Variants in EPB41L4B observed in about 807,000 individuals in gnomAD.
EPB41L4B encodes band 4.1-like protein 4B.
EPB41L4B carries 30 observed loss-of-function variants against 112.5 expected under a neutral mutation model. The ratio of observed to expected loss-of-function variants is 0.27; its 90% confidence interval spans 0.20 to 0.36. The LOEUF is 0.36. Among genes scored for constraint, EPB41L4B ranks in the 10% least tolerant of loss-of-function variants. The pLI is 1.00. For missense variants in EPB41L4B, 1,024 were observed against 1,133.3 expected, an observed-to-expected ratio of 0.90 and a Z score of 1.38; for synonymous variants, 408 against 439.7, an observed-to-expected ratio of 0.93 and a Z score of 0.90.
chr9:109,319,802 G>A (rs1837781280), intron 1 of EPB41L4B, among the ~76,000 whole-genome samples: 3 of 152,080 alleles, frequency 2.0e-5, no homozygotes, highest in African/African-American at 7.2e-5. Context: ...GAAGGGGAGC[G>A]CCGGCCACCC....
intron 2 of EPB41L4B, among the ~76,000 whole-genome samples, chr9:109,278,071 T>A (rs1446137949): frequency 6.6e-6 from 1 of 152,102 alleles, no homozygotes; most frequent in Non-Finnish European, 1.5e-5. Flanking sequence ...CCTCGAGGGA[T>A]GCGAAGGACA....
At chr9:109,224,520 C>T (rs889524499) in intron 15 of EPB41L4B, among the ~76,000 whole-genome samples, 3 of 151,986 alleles carry the variant, frequency 2.0e-5, no homozygotes, top group Admixed American at 6.6e-5. Context: ...AGTGGATTAC[C>T]GGCTACCTAG....
chr9:109,182,933 G>T, intron 23 of EPB41L4B, 136 bp from the exon 24 acceptor site: 1 of 657,162 alleles, frequency 1.5e-6, no homozygotes, highest in African/African-American at 1.8e-5. Flanking sequence ...TCGTGTAAGG[G>T]CACATACAAA....
At chr9:109,267,611 A>T in intron 3 of EPB41L4B, 60 bp from the exon 4 acceptor site, 1 of 1,148,528 alleles carries the variant, frequency 8.7e-7, no homozygotes, top group Admixed American at 1.7e-5. Context: ...AGATCACAGG[A>T]TGGACAAAAG....
intron 13 of EPB41L4B, among the ~76,000 whole-genome samples, chr9:109,250,207 A>G (rs572761230): frequency 1.6e-4 from 25 of 152,186 alleles, no homozygotes; most frequent in African/African-American, 5.3e-4. Flanking sequence ...GATTTGCAAA[A>G]AAGAAAACGG....
chr9:109,189,894 G>A (rs2118669791), intron 22 of EPB41L4B, among the ~76,000 whole-genome samples: 1 of 152,048 alleles, frequency 6.6e-6, no homozygotes, highest in South Asian at 2.1e-4. Flanking sequence ...CTTCCAGAGT[G>A]CTGGGATTAC....
At chr9:109,174,736 T>C in intron 25 of EPB41L4B, 113 bp from the exon 26 acceptor site, 1 of 806,280 alleles carries the variant, frequency 1.2e-6, no homozygotes, top group South Asian at 1.7e-5. Context: ...GGACTTTCTT[T>C]TTTAGACTCC....
intron 1 of EPB41L4B, among the ~76,000 whole-genome samples, chr9:109,316,491 T>C (rs562061866): frequency 6.6e-6 from 1 of 152,272 alleles, no homozygotes; most frequent in East Asian, 1.9e-4. Context: ...GCTGCATTAA[T>C]AGAAGGAAAG....
At chr9:109,184,101 G>C (rs1832169172) in intron 23 of EPB41L4B, among the ~76,000 whole-genome samples, 1 of 145,856 alleles carries the variant, frequency 6.9e-6, no homozygotes, top group Non-Finnish European at 1.5e-5. Context: ...TGAAGTCTTG[G>C]GGTACATTCT....
At chr9:109,222,695 G>A (rs1345292898) in intron 15 of EPB41L4B, among the ~76,000 whole-genome samples, 1 of 152,170 alleles carries the variant, frequency 6.6e-6, no homozygotes, top group African/African-American at 2.4e-5. Context: ...GACAGATGTA[G>A]GCTTCAGTCT....
intron 1 of EPB41L4B, among the ~76,000 whole-genome samples, chr9:109,314,780 C>T (rs887674962): frequency 6.6e-6 from 1 of 152,114 alleles, no homozygotes; most frequent in African/African-American, 2.4e-5. Context: ...CACCTTTAGC[C>T]AATACCTACC....
At chr9:109,268,272 C>A in intron 3 of EPB41L4B, 119 bp downstream of exon 3, 1 of 900,966 alleles carries the variant, frequency 1.1e-6, no homozygotes, top group Non-Finnish European at 1.7e-6. Flanking sequence ...CCACTTAATA[C>A]CGAATTGATT....
At position 109,268,845 on chromosome 9, in the gene EPB41L4B, C is replaced by A. The variant is rs915331025; in HGVS notation, c.412-412G>T. Among the ~76,000 whole-genome samples, 4 of 137,134 alleles carry A rather than the reference C, an allele frequency of 2.9e-5. No homozygotes were observed. In the South Asian group the frequency reaches 9.0e-4, roughly 31 times the overall value. 90.0% of individuals were successfully genotyped at this position (137,134 alleles called of 152,430 possible). A position where few individuals can be genotyped will look rare whatever the true frequency, so the allele number is the denominator to read the frequency against. On this transcript the variant is annotated intron_variant, in intron 2 of 25. Coordinates refer to ENST00000374566, the MANE Select transcript of EPB41L4B (RefSeq NM_019114.5). Reference sequence around the variant, plus strand: ...CCAGGAGGCGGAGCTTGCAGTGAGTCGAGATCGCGCCACTGCACTCCAGCC... The same window carrying A: ...CCAGGAGGCGGAGCTTGCAGTGAGTAGAGATCGCGCCACTGCACTCCAGCC...
rs139305775 is a variant in EPB41L4B, at chr9:109,182,583, C to CT, written c.2487+145dup. On this transcript the variant is annotated intron_variant, in intron 24 of 25. Transcript: ENST00000374566. ...GTCACATCAATAAAATAGAGGCAGA[C>CT]TGCAAATCCAAGTTTCTTCCCAACC... The CT allele has an allele frequency of 4.8e-3, 3,222 of 675,452 alleles. 73 individuals carry two copies. In the African/African-American group the frequency reaches 0.052, roughly 11 times the overall value. The allele number at this position is 675,452 out of a possible 1,614,324, so 41.8% of individuals were successfully genotyped here.
chr9:109,251,663 C>G lies in EPB41L4B; in HGVS notation c.1280-152G>C, dbSNP rs1834792740. 6.7e-6 allele frequency: 5 copies of G among 743,760 alleles called. No individual in the cohort carries two copies. The South Asian group carries it at 7.6e-5, about 11-fold the overall frequency. The allele number at this position is 743,760 out of a possible 1,614,324, so 46.1% of individuals were successfully genotyped here. ...ACTGCATGGTGGCTACTTCTCCTTT[C>G]CTCAGGGAGAGTAAACTACCCCTCC... On this transcript the variant is annotated intron_variant, in intron 12 of 25. Transcript: ENST00000374566.
chr9:109,241,581 T>C (rs1834354335), intron 15 of EPB41L4B: 5 of 1,588,372 alleles, frequency 3.1e-6, no homozygotes, highest in Middle Eastern at 1.7e-4. Flanking sequence ...TCCAAACACA[T>C]CCATCCATCT....
rs181833044 is a variant in EPB41L4B, at chr9:109,195,728, T to C, written c.2046-1331A>G. 3.3e-5 allele frequency among the ~76,000 whole-genome samples: 5 copies of C among 152,340 alleles called. No homozygotes were observed. The East Asian group carries it at 9.6e-4, about 29-fold the overall frequency. On this transcript the variant is annotated intron_variant, in intron 20 of 25. Transcript: ENST00000374566. ...CTCATTTAAAAAATTATCACCTCAA[T>C]AGCATAGTTATTATTATTTAGTTTT...
chr9:109,191,769 C>T (rs1832468760), intron 22 of EPB41L4B, among the ~76,000 whole-genome samples: 1 of 152,042 alleles, frequency 6.6e-6, no homozygotes, highest in African/African-American at 2.4e-5. Context: ...TTTACTTGTT[C>T]CCTGAAAAGG....
chr9:109,289,139 C>T (rs868147532), intron 1 of EPB41L4B, among the ~76,000 whole-genome samples: 41 of 152,258 alleles, frequency 2.7e-4, no homozygotes, highest in Middle Eastern at 3.4e-3. Flanking sequence ...GTGCAGGTTC[C>T]TCAGCCTGGT....
Sources: allele counts gnomAD v4.1 joint callset (sites outside exome capture counted in the v4.1 genomes callset), GRCh38; gene constraint gnomAD v4.1.1; transcripts MANE v1.5; gene names NCBI Gene and HGNC (gene_info 2026-07-23, HGNC 2026-07-21).